Variants in ABCA9 observed in about 807,000 individuals in gnomAD.
ABCA9 encodes ATP binding cassette subfamily A member 9.
A neutral mutation model predicts 205.3 loss-of-function variants in ABCA9; 183 were observed. The observed-to-expected ratio is 0.89, with a 90% CI of 0.79 to 1.01. ABCA9 has a LOEUF of 1.01. Among genes scored for constraint, ABCA9 ranks in the 50% least tolerant of loss-of-function variants. The pLI is 0.00. For missense variants in ABCA9, 1,805 were observed against 1,912.4 expected, an observed-to-expected ratio of 0.94 and a Z score of 1.05; for synonymous variants, 651 against 683.3, an observed-to-expected ratio of 0.95 and a Z score of 0.74.
Position 69,011,963 on chromosome 17 carries a change from T to TAACTC in ABCA9, c.3147+8_3147+12dup. ...AGATATAAAAAACATGTGAAGACTTTAACTCTTCTTACTTTGTAGTCACCA... is the reference window on the plus strand; with the variant it reads ...AGATATAAAAAACATGTGAAGACTTTAACTCAACTCTTCTTACTTTGTAGTCACCA... On this transcript the variant is annotated intron_variant, in intron 23 of 38. Transcript: ENST00000340001. 7 of 1,585,820 alleles carry TAACTC rather than the reference T, an allele frequency of 4.4e-6. No individual in the cohort carries two copies. The highest frequency in any genetic ancestry group is 6.0e-6 in the Non-Finnish European group (7 of 1,160,272).
intron 25 of ABCA9, among the ~76,000 whole-genome samples, chr17:69,002,010 T>C (rs1192731996): frequency 6.6e-6 from 1 of 152,018 alleles, no homozygotes; most frequent in African/African-American, 2.4e-5. Context: ...TTCTCTCTTT[T>C]TTTCTTTATT....
At chr17:69,037,921 C>T (rs896518092) in intron 6 of ABCA9, among the ~76,000 whole-genome samples, 6 of 152,078 alleles carry the variant, frequency 3.9e-5, no homozygotes, top group Admixed American at 6.6e-5. Context: ...AAACTACCAT[C>T]GGAGAATATA....
chr17:69,070,736 G>A, the ABCA9 span, among the ~76,000 whole-genome samples: 3 of 152,202 alleles, frequency 2.0e-5, no homozygotes, highest in Non-Finnish European at 4.4e-5. Context: ...ACGCCAGTGA[G>A]ACAGAACCGT....
intron 1 of ABCA9, among the ~76,000 whole-genome samples, chr17:69,054,896 A>G (rs1008247945): frequency 2.6e-5 from 4 of 152,150 alleles, no homozygotes; most frequent in Non-Finnish European, 5.9e-5. Context: ...GATTAATTGT[A>G]AATATATATT....
At chr17:69,051,612 A>G (rs561044207) in intron 1 of ABCA9, 2 of 156,808 alleles carry the variant, frequency 1.3e-5, no homozygotes, top group African/African-American at 2.4e-5. Context: ...GACCAGTGCA[A>G]GGATGTTCTT....
rs1238143886 is a variant in ABCA9 at position 69,049,449 on chromosome 17, T to C, written c.138A>G (p.Leu46=). The C allele has an allele frequency of 2.5e-6, 4 of 1,612,868 alleles. No individual in the cohort carries two copies. The East Asian group carries it at 6.7e-5, about 27-fold the overall frequency. Residue 46 remains leucine, a synonymous_variant, in exon 3 of 39, where the codon CTA becomes CTG. Coordinates refer to ENST00000340001, the MANE Select transcript of ABCA9 (RefSeq NM_080283.4). ...GAACTTGATGTAAATTGGAGAAAAA[T>C]AGGTACAGAAACAGTACCAGAAGAA... ...FSFLLVLFLY[L]FFSNLHQVHD... is the part of the protein sequence containing the mutation.
At chr17:68,995,500 C>T (rs1395998941) in intron 26 of ABCA9, among the ~76,000 whole-genome samples, 1 of 152,158 alleles carries the variant, frequency 6.6e-6, no homozygotes, top group African/African-American at 2.4e-5. Context: ...AAATATCTAG[C>T]TTTAACCCCC....
At chr17:68,989,142 A>C (rs746322730) in intron 30 of ABCA9, 24 bp from the exon 31 acceptor site, 18 of 1,437,682 alleles carry the variant, frequency 1.3e-5, no homozygotes, top group Non-Finnish European at 1.8e-5. Context: ...GTATGCTCAG[A>C]AATATACAAA....
intron 11 of ABCA9, 98 bp downstream of exon 11, chr17:69,029,071 T>C: frequency 1.6e-6 from 1 of 606,888 alleles, no homozygotes; most frequent in East Asian, 3.1e-5. Context: ...AGGAGAGACA[T>C]ATCTGGAATA....
chr17:69,043,356 C>T, intron 6 of ABCA9, 133 bp downstream of exon 6: 1 of 633,156 alleles, frequency 1.6e-6, no homozygotes, highest in Non-Finnish European at 2.7e-6. Flanking sequence ...TGCTATGTGG[C>T]CTGGTACCTA....
Position 69,027,375 on chromosome 17 carries a change from T to C in ABCA9, c.1866A>G (p.Gln622=), listed in dbSNP as rs995437296. The change falls in exon 14 of 39, where the codon CAA becomes CAG. Residue 622 remains glutamine, a synonymous_variant. Coordinates refer to ENST00000340001, the MANE Select transcript of ABCA9 (RefSeq NM_080283.4). ...CAATCCCAAAAGTTAGTTTCCTATT[T>C]TGTCCACCACTTAAGTTTTGAGCAA... ...DILAQNLSGG[Q]NRKLTFGIAI... 6.2e-7 allele frequency: 1 copy of C among 1,613,418 alleles called. No individual in the cohort carries two copies. The highest frequency in any genetic ancestry group is 2.2e-5 in the East Asian group (1 of 44,794).
rs1045363261 is a variant in ABCA9 at position 68,979,064 on chromosome 17, A to C, written c.4721-2874T>G. Among the ~76,000 whole-genome samples, 111 of 152,290 alleles carry C rather than the reference A, an allele frequency of 7.3e-4. 1 individual carries two copies. Among genetic ancestry groups the C allele is most frequent in the Non-Finnish European group, 6.2e-4 (42 of 68,022 alleles). ...CATCGTCTCAGCCCAAAATCTCCTTAAGCTGATAGGCAACTTCAGCAAAGT... is the reference window on the plus strand; with the variant it reads ...CATCGTCTCAGCCCAAAATCTCCTTCAGCTGATAGGCAACTTCAGCAAAGT... On this transcript the variant is annotated intron_variant, in intron 37 of 38. Transcript: ENST00000340001.
intron 2 of ABCA9, 97 bp from the exon 3 acceptor site, chr17:69,049,587 G>A: frequency 1.0e-6 from 1 of 998,844 alleles, no homozygotes; most frequent in Non-Finnish European, 1.4e-6. Flanking sequence ...TCTGTTATTT[G>A]GCTTGCATTC....
Position 69,016,387 on chromosome 17 carries a change from G to T in ABCA9, c.2905C>A (p.His969Asn). 1 of 1,576,980 alleles carries T rather than the reference G, an allele frequency of 6.3e-7. No homozygotes were observed. The highest frequency in any genetic ancestry group is 1.2e-5 in the South Asian group (1 of 84,444). Residue 969 changes from histidine (H) to asparagine (N), a missense_variant, in exon 22 of 39, where the codon CAC (histidine) becomes AAC (asparagine). Physicochemically the swap from His to Asn is moderately conservative, Grantham distance 68. Coordinates refer to ENST00000340001, the MANE Select transcript of ABCA9 (RefSeq NM_080283.4). ...AIIVSGDEKD[H>N]RFSIACNTKR... The stretch of plus-strand genomic sequence containing the variant: ...GTATTACATGCTATTGAAAATCTGT[G>T]ATCCTGAAATACAACAAGTACCAAT...
At chr17:69,069,323 T>C in the ABCA9 span, among the ~76,000 whole-genome samples, 14 of 152,272 alleles carry the variant, frequency 9.2e-5, no homozygotes, top group East Asian at 2.5e-3. Flanking sequence ...TTTTGATGAA[T>C]TGCTGGAGGT....
rs766785822 is a variant in ABCA9, at chr17:68,983,709, C to T, written c.4640G>A (p.Arg1547Lys). The T allele has an allele frequency of 1.2e-6, 2 of 1,614,010 alleles. No homozygotes were observed. Among genetic ancestry groups the T allele is most frequent in the Non-Finnish European group, 8.5e-7 (1 of 1,179,982 alleles). ...GATAAAACAAAACACCTGTGTCTAC[C>T]TTTCCTGCTGAGCAGCCTGGGGGAA... ...RLFPQAAQQE[R>K]FSSLMVYKLP... Residue 1547 changes from arginine to lysine, a missense_variant and splice_region_variant, in exon 36 of 39, where the codon AGG becomes AAG. Physicochemically the swap from Arg to Lys is conservative, Grantham distance 26. Transcript: ENST00000340001.
At chr17:69,035,461 T>C in intron 7 of ABCA9, 30 bp from the exon 8 acceptor site, 2 of 1,521,622 alleles carry the variant, frequency 1.3e-6, no homozygotes, top group East Asian at 4.6e-5. Flanking sequence ...TCAGCTGGTA[T>C]ATAATTCTGT....
upstream of ABCA9, among the ~76,000 whole-genome samples, chr17:69,064,972 A>G (rs1434945573): frequency 1.3e-5 from 2 of 152,104 alleles, no homozygotes; most frequent in African/African-American, 4.8e-5. Flanking sequence ...AAAATGTCTT[A>G]TATTTCTCAC....
chr17:68,982,645 C>T lies in ABCA9; in HGVS notation c.4641-4G>A, dbSNP rs147127693. On this transcript the variant is annotated splice_region_variant and splice_polypyrimidine_tract_variant and intron_variant, in intron 36 of 38. Transcript: ENST00000340001. ...ATAGACCATCAGGGAGGAGAACCTG[C>T]GAAGAGAAGACAGTGAGGCTGAACT... 9.7e-5 allele frequency: 157 copies of T among 1,612,736 alleles called. No individual in the cohort carries two copies. The African/African-American group carries it at 1.1e-3, about 11-fold the overall frequency.
Sources: gnomAD v4.1 joint callset for allele counts (sites outside exome capture counted in the v4.1 genomes callset) on GRCh38, gnomAD v4.1.1 for gene constraint, MANE v1.5 for transcripts, NCBI Gene and HGNC (gene_info 2026-07-23, HGNC 2026-07-21) for gene names.